The following ACACA variants were observed in gnomAD, a reference collection of about 807,000 sequenced individuals.
ACACA encodes acetyl-CoA carboxylase 1.
In ACACA, 103 loss-of-function variants were observed where a neutral mutation model predicts 296.1. The ratio of observed to expected loss-of-function variants is 0.35; its 90% confidence interval spans 0.30 to 0.41. The LOEUF (loss-of-function observed/expected upper bound fraction) is 0.41, where lower values mean the gene tolerates loss of function less well. ACACA is among the 10% of genes least tolerant of loss of function. The pLI, the probability that ACACA is intolerant of heterozygous loss-of-function variation, is 1.00. For missense variants in ACACA, 1,554 were observed against 2,989.7 expected (o/e 0.52, Z 11.20); for synonymous variants, 953 against 1,038.6 (o/e 0.92, Z 1.58).
rs971222987 is a variant in ACACA at position 37,274,669 on chromosome 17, A to C, written c.902-370T>G. 9.1e-6 allele frequency: 9 copies of C among 985,310 alleles called. No individual in the cohort carries two copies. The African/African-American group carries it at 1.6e-4, about 17-fold the overall frequency. 61.0% of individuals were successfully genotyped at this position (985,310 alleles called of 1,614,324 possible). A position where few individuals can be genotyped will look rare whatever the true frequency, so the allele number is the denominator to read the frequency against. On this transcript the variant is annotated intron_variant, in intron 8 of 55. Transcript: ENST00000616317. ...TGCTCCAGGGCCAAGAGGTCTGGGAAATAATTCAATCTTTATGAGCCCTTG... is the reference window on the plus strand; with the variant it reads ...TGCTCCAGGGCCAAGAGGTCTGGGACATAATTCAATCTTTATGAGCCCTTG...
At chr17:37,116,948 T>C (rs968544886) in intron 50 of ACACA, among the ~76,000 whole-genome samples, 3 of 152,146 alleles carry the variant, frequency 2.0e-5, no homozygotes, top group African/African-American at 4.8e-5. Flanking sequence ...GAATGGAAAA[T>C]ACTGATAGGT....
intron 7 of ACACA, among the ~76,000 whole-genome samples, 166 bp from the exon 8 acceptor site, chr17:37,276,215 T>C (rs2082279036): frequency 6.6e-6 from 1 of 152,206 alleles, no homozygotes; most frequent in Non-Finnish European, 1.5e-5. Flanking sequence ...CTTTGACTTA[T>C]CTTTGTACCA....
At chr17:37,135,336 C>A (rs2075287185) in intron 45 of ACACA, among the ~76,000 whole-genome samples, 1 of 152,162 alleles carries the variant, frequency 6.6e-6, no homozygotes, top group African/African-American at 2.4e-5. Context: ...CACTTTATTG[C>A]CACTACTGTC....
At chr17:37,268,201 A>G (rs868660355) in intron 10 of ACACA, among the ~76,000 whole-genome samples, 6 of 152,100 alleles carry the variant, frequency 3.9e-5, no homozygotes, top group African/African-American at 9.7e-5. Context: ...TTGGTTTTCA[A>G]TCATCTAATT....
intron 5 of ACACA, among the ~76,000 whole-genome samples, 194 bp from the exon 6 acceptor site, chr17:37,278,199 C>T (rs147637279): frequency 1.5e-3 from 236 of 152,294 alleles, no homozygotes; most frequent in African/African-American, 5.4e-3. Flanking sequence ...ACGAGTTAAT[C>T]CCATATTTAG....
In ACACA at chr17:37,230,319, G is replaced by A. The variant is rs191223575; in HGVS notation, c.3247-3867C>T. Reference sequence around the variant, plus strand: ...GAATCGCTTGAACCCAGGAGGCAGAGGTTGTGGTGAGCCAAGATCGCGCCG... The same window carrying A: ...GAATCGCTTGAACCCAGGAGGCAGAAGTTGTGGTGAGCCAAGATCGCGCCG... On this transcript the variant is annotated intron_variant, in intron 25 of 55. Coordinates refer to ENST00000616317, the MANE Select transcript of ACACA (RefSeq NM_198834.3). Among the ~76,000 whole-genome samples, 570 of 151,626 alleles carry A rather than the reference G, an allele frequency of 3.8e-3. 3 individuals carry two copies. Among genetic ancestry groups the A allele is most frequent in the Non-Finnish European group, 3.7e-3 (248 of 67,910 alleles).
intron 1 of ACACA, among the ~76,000 whole-genome samples, chr17:37,376,338 G>A (rs1018882633): frequency 6.6e-6 from 1 of 152,196 alleles, no homozygotes; most frequent in Non-Finnish European, 1.5e-5. Context: ...ATAGCTGTCT[G>A]TTTCATGATG....
Position 37,203,600 on chromosome 17 carries a change from G to A in ACACA, c.4056+2165C>T, listed in dbSNP as rs1339763201. ...CTCTACTAAAATACAAAAATTAGCC[G>A]GGTGTGGTGGCGCATGTCTGTAATC... On this transcript the variant is annotated intron_variant, in intron 33 of 55. Transcript: ENST00000616317. Among the ~76,000 whole-genome samples the A allele has an allele frequency of 5.3e-5, 8 of 151,890 alleles. No individual in the cohort carries two copies. The South Asian group carries it at 6.2e-4, about 12-fold the overall frequency.
At chr17:37,338,259 A>C (rs1258529684) in intron 2 of ACACA, among the ~76,000 whole-genome samples, 3 of 151,362 alleles carry the variant, frequency 2.0e-5, no homozygotes, top group Non-Finnish European at 4.4e-5. Context: ...TCATGCAACA[A>C]AAAAAATTTG....
At chr17:37,372,907 G>A (rs2049858699) in intron 1 of ACACA, among the ~76,000 whole-genome samples, 1 of 151,474 alleles carries the variant, frequency 6.6e-6, no homozygotes, top group Admixed American at 6.6e-5. Flanking sequence ...GGAGGATGGA[G>A]TCTCGCACTG....
At chr17:37,163,314 C>T (rs1343037500) in intron 41 of ACACA, among the ~76,000 whole-genome samples, 1 of 151,860 alleles carries the variant, frequency 6.6e-6, no homozygotes, top group Non-Finnish European at 1.5e-5. Context: ...CCTTCACCTT[C>T]CTCCAAGATC....
At chr17:37,141,421 C>T in intron 45 of ACACA, 1 of 299,804 alleles carries the variant, frequency 3.3e-6, no homozygotes, top group Non-Finnish European at 6.5e-6. Context: ...ACCCCCACAC[C>T]TGGCTAATTT....
intron 1 of ACACA, among the ~76,000 whole-genome samples, chr17:37,373,086 G>A (rs1597728667): frequency 1.3e-5 from 2 of 151,990 alleles, no homozygotes; most frequent in African/African-American, 4.8e-5. Flanking sequence ...TCACCATGTT[G>A]GCCAGGCTGG....
intron 3 of ACACA, among the ~76,000 whole-genome samples, chr17:37,305,177 CA>C (rs1185033126): frequency 1.3e-5 from 2 of 152,186 alleles, no homozygotes; most frequent in East Asian, 3.9e-4. Flanking sequence ...GATTAGAAAA[CA>C]AATTATGCAT....
chr17:37,150,957 C>G (rs1353357690), intron 44 of ACACA, among the ~76,000 whole-genome samples: 1 of 151,554 alleles, frequency 6.6e-6, no homozygotes, highest in Non-Finnish European at 1.5e-5. Flanking sequence ...GAGGCTGAGG[C>G]AGGAAAATTG....
At chr17:37,151,018 C>T (rs1244362105) in intron 44 of ACACA, among the ~76,000 whole-genome samples, 1 of 151,376 alleles carries the variant, frequency 6.6e-6, no homozygotes, top group Non-Finnish European at 1.5e-5. Flanking sequence ...TGCCACTGCA[C>T]TCCAGCCTGG....
At chr17:37,165,671 G>C (rs1008517832) in intron 41 of ACACA, among the ~76,000 whole-genome samples, 2 of 145,150 alleles carry the variant, frequency 1.4e-5, no homozygotes, top group African/African-American at 5.3e-5. Context: ...CCTCTGTGTA[G>C]AGAATTTTTT....
intron 35 of ACACA, among the ~76,000 whole-genome samples, chr17:37,196,925 A>T (rs1394542896): frequency 1.3e-5 from 2 of 152,166 alleles, no homozygotes; most frequent in African/African-American, 2.4e-5. Flanking sequence ...TATATTTACA[A>T]AAAGAGACTT....
At chr17:37,088,798 G>T in intron 55 of ACACA, 140 bp downstream of exon 55, 1 of 1,164,632 alleles carries the variant, frequency 8.6e-7, no homozygotes, top group Non-Finnish European at 1.3e-6. Flanking sequence ...GTACCTGTGG[G>T]TCAACTACAG....
Sources: allele counts gnomAD v4.1 joint callset (sites outside exome capture counted in the v4.1 genomes callset), GRCh38; gene constraint gnomAD v4.1.1; transcripts MANE v1.5; gene names NCBI Gene and HGNC (gene_info 2026-07-23, HGNC 2026-07-21).